MYO9B: variants seen among roughly 807,000 people sequenced by gnomAD.
MYO9B encodes the protein unconventional myosin-IXb.
MYO9B carries 71 observed loss-of-function variants against 229.5 expected under a neutral mutation model. The observed-to-expected ratio is 0.31, with a 90% CI of 0.26 to 0.38. The LOEUF (loss-of-function observed/expected upper bound fraction) is 0.38. MYO9B is among the 10% of genes least tolerant of loss of function. MYO9B has a pLI of 1.00. For synonymous variants in MYO9B, 1,185 were observed against 1,235.8 expected, an observed-to-expected ratio of 0.96 and a Z score of 0.86; for missense variants, 2,255 against 2,920.5, an observed-to-expected ratio of 0.77 and a Z score of 5.25.
chr19:17,095,009 T>G (rs2057674237), intron 1 of MYO9B, among the ~76,000 whole-genome samples: 1 of 151,954 alleles, frequency 6.6e-6, no homozygotes, highest in African/African-American at 2.4e-5. Flanking sequence ...GAGGCTGAGG[T>G]GGGCAGATCA....
Position 17,193,159 on chromosome 19 carries a change from C to A in MYO9B, c.3128+97C>A. 1 of 1,282,554 alleles carries A rather than the reference C, an allele frequency of 7.8e-7. No individual in the cohort carries two copies. The highest frequency in any genetic ancestry group is 1.0e-6 in the Non-Finnish European group (1 of 974,582). The allele number at this position is 1,282,554 out of a possible 1,614,324, so 79.4% of individuals were successfully genotyped here. On this transcript the variant is annotated intron_variant, in intron 21 of 39. Transcript: ENST00000682292. The surrounding 1 kb of genome is among the most constrained non-coding windows in gnomAD (Gnocchi z 4.3). ...GTGATATACCATCTGGCCTGTGGCACTAAGGGGATGTCATTCTGGACACAG... is the reference window on the plus strand; with the variant it reads ...GTGATATACCATCTGGCCTGTGGCAATAAGGGGATGTCATTCTGGACACAG...
intron 13 of MYO9B, among the ~76,000 whole-genome samples, chr19:17,174,551 C>T (rs908249256): frequency 7.9e-5 from 12 of 152,146 alleles, no homozygotes; most frequent in East Asian, 1.9e-4. Flanking sequence ...GTAGGAGAAT[C>T]GCTTGAACCC....
chr19:17,148,669 C>T (rs1293306538), intron 3 of MYO9B, among the ~76,000 whole-genome samples: 1 of 152,130 alleles, frequency 6.6e-6, no homozygotes, highest in Non-Finnish European at 1.5e-5. Context: ...CTGCAACCTC[C>T]GCCTCCCGGG....
At chr19:17,202,778 CAG>C in intron 28 of MYO9B, 62 bp from the exon 29 acceptor site, 1 of 1,508,094 alleles carries the variant, frequency 6.6e-7, no homozygotes, top group Non-Finnish European at 9.0e-7. Context: ...TATGGGGTGC[CAG>C]GGGTGGGTTG....
intron 2 of MYO9B, among the ~76,000 whole-genome samples, chr19:17,136,780 C>G (rs2072275447): frequency 6.6e-6 from 1 of 152,090 alleles, no homozygotes; most frequent in Admixed American, 6.6e-5. Flanking sequence ...ATCAGACCCT[C>G]CAGAGACTGT....
At chr19:17,157,087 G>C in intron 7 of MYO9B, 49 bp downstream of exon 7, 1 of 1,588,414 alleles carries the variant, frequency 6.3e-7, no homozygotes, top group Non-Finnish European at 8.5e-7. Context: ...CAGGGCCGCT[G>C]GCTATCTCTC....
chr19:17,207,050 G>A (rs937508635), intron 34 of MYO9B, 63 bp from the exon 35 acceptor site: 284 of 1,581,428 alleles, frequency 1.8e-4, no homozygotes, highest in Non-Finnish European at 1.4e-4. Context: ...GTTCAGTCTC[G>A]GGGCTCCCTG....
At chr19:17,142,971 G>C (rs2072360179) in intron 2 of MYO9B, among the ~76,000 whole-genome samples, 1 of 152,132 alleles carries the variant, frequency 6.6e-6, no homozygotes, top group Admixed American at 6.6e-5. Flanking sequence ...AGGCATGATG[G>C]CTCATGCCTG....
intron 10 of MYO9B, among the ~76,000 whole-genome samples, chr19:17,166,993 A>C (rs550854900): frequency 4.1e-4 from 63 of 152,182 alleles, no homozygotes; most frequent in African/African-American, 1.5e-3. Flanking sequence ...CTATTGATAC[A>C]TAAATATGTT....
chr19:17,174,943 AATAAAT>A (rs2072768132), intron 13 of MYO9B, among the ~76,000 whole-genome samples: 1 of 149,946 alleles, frequency 6.7e-6, no homozygotes, highest in Non-Finnish European at 1.5e-5. Context: ...CAAAAAAATA[AATAAAT>A]AAATAATAAA....
chr19:17,207,043 C>T (rs1388748258), intron 34 of MYO9B, 70 bp from the exon 35 acceptor site: 12 of 1,567,234 alleles, frequency 7.7e-6, no homozygotes, highest in Middle Eastern at 2.2e-4. Flanking sequence ...CTCAGAAGTT[C>T]AGTCTCGGGG....
intron 2 of MYO9B, among the ~76,000 whole-genome samples, chr19:17,115,814 G>A (rs1017829320): frequency 1.3e-5 from 2 of 151,670 alleles, no homozygotes; most frequent in African/African-American, 4.8e-5. Context: ...CTTCCCAAAT[G>A]TAATGAAAGC....
intron 2 of MYO9B, among the ~76,000 whole-genome samples, chr19:17,130,658 C>T (rs909953863): frequency 6.6e-6 from 1 of 151,528 alleles, no homozygotes; most frequent in Admixed American, 6.6e-5. Context: ...GTGGTGCACA[C>T]CTGTACTCCC....
chr19:17,094,043 TTGTTG>T (rs1290731530), intron 1 of MYO9B, among the ~76,000 whole-genome samples: 1 of 102,972 alleles, frequency 9.7e-6, no homozygotes, highest in Admixed American at 1.1e-4. Flanking sequence ...GTTGTTGTTG[TTGTTG>T]TTGTTAAGAC....
intron 2 of MYO9B, among the ~76,000 whole-genome samples, chr19:17,126,667 C>CTTTTTT (rs1555695751): frequency 1.5e-4 from 20 of 135,240 alleles, no homozygotes; most frequent in African/African-American, 5.4e-4. Context: ...TTTTTTTTTT[C>CTTTTTT]TTTTTTTTTT....
rs560408438 is a variant in MYO9B at position 17,167,491 on chromosome 19, T to G, written c.1672-452T>G. ...TAGAGCTATTTTTTTTTTTTTTTTT[T>G]TGTGACGGAGTTTCGCTCTTGTTGC... On this transcript the variant is annotated intron_variant, in intron 10 of 39. Coordinates refer to ENST00000682292, the MANE Select transcript of MYO9B (RefSeq NM_004145.4). Among the ~76,000 whole-genome samples, 432 of 143,168 alleles carry G rather than the reference T, an allele frequency of 3.0e-3. 8 individuals are homozygous for G. Among genetic ancestry groups the G allele is most frequent in the African/African-American group, 0.011 (412 of 37,610 alleles). 93.9% of individuals were successfully genotyped at this position (143,168 alleles called of 152,430 possible).
chr19:17,181,279 CCTT>C lies in MYO9B; in HGVS notation c.2333+244_2333+246del, dbSNP rs143894016. 1.4e-4 allele frequency among the ~76,000 whole-genome samples: 21 copies of C among 152,368 alleles called. No homozygotes were observed. The East Asian group carries it at 1.9e-3, about 14-fold the overall frequency. ...CACGGGGCAGCTTCCCAGGAGCACT[CCTT>C]CTTCGAGGCATCTAATTTTCCACCC... On this transcript the variant is annotated intron_variant, in intron 15 of 39. Coordinates refer to ENST00000682292, the MANE Select transcript of MYO9B (RefSeq NM_004145.4).
rs1408185874 is a variant in MYO9B, at chr19:17,212,294, GCCAGA to G, written c.6462_6466del (p.Thr2155TrpfsTer43). On this transcript the variant is annotated frameshift_variant, in exon 40 of 40. Coordinates refer to ENST00000682292, the MANE Select transcript of MYO9B (RefSeq NM_004145.4). LOFTEE classifies it high-confidence loss of function. The surrounding 1 kb of genome is among the most constrained non-coding windows in gnomAD (Gnocchi z 5.4). ...ACGTACTGCCTGCCCCCCGCCTCGG[GCCAGA>G]CCAATGGCTGAGAGCCACAGCTGAC... 1 of 1,516,034 alleles carries G rather than the reference GCCAGA, an allele frequency of 6.6e-7. No homozygotes were observed. The highest frequency in any genetic ancestry group is 2.4e-5 in the East Asian group (1 of 42,252). The allele number at this position is 1,516,034 out of a possible 1,614,324, so 93.9% of individuals were successfully genotyped here. A position where few individuals can be genotyped will look rare whatever the true frequency, so the allele number is the denominator to read the frequency against.
At chr19:17,107,667 A>G (rs2057805347) in intron 2 of MYO9B, among the ~76,000 whole-genome samples, 1 of 152,186 alleles carries the variant, frequency 6.6e-6, no homozygotes, top group Non-Finnish European at 1.5e-5. Context: ...TGGTGGCTGC[A>G]GATGTGCCCT....
Sources: allele counts gnomAD v4.1 joint callset (sites outside exome capture counted in the v4.1 genomes callset), GRCh38; gene constraint gnomAD v4.1.1; non-coding constraint Gnocchi (gnomAD v3.1); transcripts MANE v1.5; gene names NCBI Gene and HGNC (gene_info 2026-07-23, HGNC 2026-07-21).